ASTN2: variants seen among roughly 807,000 people sequenced by gnomAD.
The protein encoded by ASTN2 is astrotactin 2, also known as astrotactin-2.
A neutral mutation model predicts 139.8 loss-of-function variants in ASTN2; 54 were observed. The observed-to-expected ratio is 0.39, with a 90% CI of 0.31 to 0.48. The LOEUF is 0.48. Ranked by LOEUF, ASTN2 falls within the 20% of genes least tolerant of loss-of-function variation. The pLI, the probability that ASTN2 is intolerant of heterozygous loss-of-function variation, is 0.95. For missense variants in ASTN2, 1,565 were observed against 1,725.1 expected (o/e 0.91, Z 1.64); for synonymous variants, 756 against 719.5 (o/e 1.05, Z -0.81).
At chr9:116,948,159 T>C (rs531652778) in intron 10 of ASTN2, among the ~76,000 whole-genome samples, 80 of 152,208 alleles carry the variant, frequency 5.3e-4, no homozygotes, top group Non-Finnish European at 7.9e-4. Flanking sequence ...ACTCACTTTG[T>C]TCATTCAATT....
chr9:116,614,245 A>G (rs1301737542), intron 19 of ASTN2, among the ~76,000 whole-genome samples: 1 of 152,216 alleles, frequency 6.6e-6, no homozygotes, highest in African/African-American at 2.4e-5. Flanking sequence ...ATGGAAGAAC[A>G]TTCCATGCTC....
At chr9:116,590,268 G>C (rs1008790184) in intron 19 of ASTN2, among the ~76,000 whole-genome samples, 1 of 152,220 alleles carries the variant, frequency 6.6e-6, no homozygotes, top group Non-Finnish European at 1.5e-5. Context: ...TTCCCCCACA[G>C]GCTCAGAAAT....
chr9:116,951,424 C>T (rs906071045), intron 10 of ASTN2, among the ~76,000 whole-genome samples: 15 of 147,394 alleles, frequency 1.0e-4, no homozygotes, highest in African/African-American at 3.5e-4. Flanking sequence ...AGCATCATCA[C>T]CAATCATGTG....
intron 11 of ASTN2, among the ~76,000 whole-genome samples, chr9:116,835,374 C>G (rs538638271): frequency 1.3e-5 from 2 of 152,300 alleles, no homozygotes; most frequent in South Asian, 4.1e-4. Context: ...TGAAATGGCC[C>G]TGCAAAGCTG....
intron 19 of ASTN2, among the ~76,000 whole-genome samples, chr9:116,512,058 T>C (rs1207685000): frequency 6.6e-6 from 1 of 152,196 alleles, no homozygotes; most frequent in Non-Finnish European, 1.5e-5. Context: ...TTTGAATGTG[T>C]TTGCTCTTGC....
At chr9:116,818,086 T>C (rs888392507) in intron 12 of ASTN2, among the ~76,000 whole-genome samples, 1 of 152,046 alleles carries the variant, frequency 6.6e-6, no homozygotes, top group Non-Finnish European at 1.5e-5. Flanking sequence ...GGAATCATAA[T>C]AGTAACATCG....
rs12347770 is a variant in ASTN2 at position 117,333,986 on chromosome 9, C to G, written c.443-42473G>C. On this transcript the variant is annotated intron_variant, in intron 1 of 22. Coordinates refer to ENST00000313400, the MANE Select transcript of ASTN2 (RefSeq NM_001365068.1). ...GAATAGGCTGCAGAACCTGGTTTCA[C>G]TTCCAAACCATGCTGCATACCAGAG... Among the ~76,000 whole-genome samples, 3 of 152,174 alleles carry G rather than the reference C, an allele frequency of 2.0e-5. No homozygotes were observed. The East Asian group carries it at 5.8e-4, about 29-fold the overall frequency.
chr9:116,577,902 C>A (rs1463285194), intron 19 of ASTN2, among the ~76,000 whole-genome samples: 2 of 151,992 alleles, frequency 1.3e-5, no homozygotes, highest in Admixed American at 6.6e-5. Flanking sequence ...TTTAAACTTG[C>A]AGTGACCAGA....
intron 1 of ASTN2, among the ~76,000 whole-genome samples, chr9:117,325,210 C>T (rs1279718402): frequency 1.3e-5 from 2 of 152,204 alleles, no homozygotes; most frequent in Non-Finnish European, 2.9e-5. Flanking sequence ...ACAGGCTAGA[C>T]TCTGGCCAGT....
chr9:117,350,077 G>A (rs957763816), intron 1 of ASTN2, among the ~76,000 whole-genome samples: 1 of 152,192 alleles, frequency 6.6e-6, no homozygotes, highest in Admixed American at 6.5e-5. Context: ...GATAATGTAA[G>A]ATGGTAACAT....
chr9:117,267,849 G>A lies in ASTN2; in HGVS notation c.630+23477C>T, dbSNP rs932307052. Among the ~76,000 whole-genome samples the A allele has an allele frequency of 1.9e-4, 29 of 152,244 alleles. 1 individual carries two copies. Among genetic ancestry groups the A allele is most frequent in the African/African-American group, 7.0e-4 (29 of 41,544 alleles). On this transcript the variant is annotated intron_variant, in intron 2 of 22. Transcript: ENST00000313400. ...TAGTTTTCAAGCCATGTTCCCCAGG[G>A]CACAGCTTTGATGGTATGTGGGGTG...
chr9:116,538,212 G>C (rs185996748), intron 19 of ASTN2, among the ~76,000 whole-genome samples: 1 of 151,722 alleles, frequency 6.6e-6, no homozygotes, highest in East Asian at 1.9e-4. Context: ...GGAAGGGAAA[G>C]AGGGAAGAAG....
intron 2 of ASTN2, among the ~76,000 whole-genome samples, chr9:117,255,516 A>C (rs1322323996): frequency 6.6e-6 from 1 of 152,210 alleles, no homozygotes; most frequent in Non-Finnish European, 1.5e-5. Context: ...ACTTGGGTTG[A>C]TTAAACTGCA....
chr9:116,488,877 A>G (rs1044912202), intron 19 of ASTN2, among the ~76,000 whole-genome samples: 3 of 152,230 alleles, frequency 2.0e-5, no homozygotes, highest in Non-Finnish European at 4.4e-5. Flanking sequence ...ATCAATAAAA[A>G]TTACTTAAAA....
intron 16 of ASTN2, among the ~76,000 whole-genome samples, chr9:116,690,608 C>A (rs972556731): frequency 1.3e-5 from 2 of 152,156 alleles, no homozygotes; most frequent in Non-Finnish European, 2.9e-5. Context: ...GTGCCCTTAC[C>A]AACCTCTCAG....
At chr9:116,864,255 T>C (rs1228387023) in intron 10 of ASTN2, among the ~76,000 whole-genome samples, 1 of 152,186 alleles carries the variant, frequency 6.6e-6, no homozygotes, top group Non-Finnish European at 1.5e-5. Flanking sequence ...TGAAAGATTG[T>C]GGGACTGACT....
At chr9:116,866,187 G>A (rs979805319) in intron 10 of ASTN2, among the ~76,000 whole-genome samples, 12 of 152,178 alleles carry the variant, frequency 7.9e-5, no homozygotes, top group Non-Finnish European at 1.3e-4. Flanking sequence ...TTAGTCCCCA[G>A]CACAGTCTGG....
intron 1 of ASTN2, among the ~76,000 whole-genome samples, chr9:117,359,413 C>T (rs1829634562): frequency 6.6e-6 from 1 of 152,170 alleles, no homozygotes. Context: ...CCATTTTTGG[C>T]TCAAGAAAGG....
At chr9:117,076,880 C>A (rs2132718557) in intron 5 of ASTN2, among the ~76,000 whole-genome samples, 1 of 152,174 alleles carries the variant, frequency 6.6e-6, no homozygotes, top group African/African-American at 2.4e-5. Flanking sequence ...TCTTTTTCTT[C>A]TTTTTTCCCC....
Sources: gnomAD v4.1 joint callset for allele counts (sites outside exome capture counted in the v4.1 genomes callset) on GRCh38, gnomAD v4.1.1 for gene constraint, MANE v1.5 for transcripts, NCBI Gene and HGNC (gene_info 2026-07-23, HGNC 2026-07-21) for gene names.